Variants in PARD6G observed in about 807,000 individuals in gnomAD.
The protein encoded by PARD6G is par-6 family cell polarity regulator gamma.
In PARD6G, 7 loss-of-function variants were observed where a neutral mutation model predicts 10.7. The observed-to-expected ratio is 0.66, with a 90% CI of 0.37 to 1.23. The LOEUF is 1.23. Ranked by LOEUF, PARD6G falls within the 50% of genes most tolerant of loss-of-function variation. The pLI is 0.02. For synonymous variants in PARD6G, 287 were observed against 269.4 expected (o/e 1.07, Z -0.64); for missense variants, 548 against 571.8 (o/e 0.96, Z 0.42).
At chr18:80,185,610 TCCCACA>T (rs970991076) in intron 2 of PARD6G, among the ~76,000 whole-genome samples, 1 of 151,716 alleles carries the variant, frequency 6.6e-6, no homozygotes, top group Non-Finnish European at 1.5e-5. Flanking sequence ...ACGCACATGC[TCCCACA>T]CCCACACACA....
At chr18:80,211,837 G>A (rs1967111558) in intron 1 of PARD6G, among the ~76,000 whole-genome samples, 1 of 152,084 alleles carries the variant, frequency 6.6e-6, no homozygotes, top group Non-Finnish European at 1.5e-5. Flanking sequence ...ACTTATATGA[G>A]GTAAATAGAG....
intron 1 of PARD6G, among the ~76,000 whole-genome samples, chr18:80,244,686 A>G (rs560643225): frequency 3.2e-4 from 49 of 152,286 alleles, no homozygotes; most frequent in African/African-American, 1.1e-3. Context: ...GACTTGCCCA[A>G]AAGCTCACAA....
intron 1 of PARD6G, among the ~76,000 whole-genome samples, chr18:80,227,174 C>A (rs958941896): frequency 1.3e-5 from 2 of 152,188 alleles, no homozygotes; most frequent in Admixed American, 6.5e-5. Flanking sequence ...GTAGCTAGGG[C>A]TAGTCTTGAA....
At chr18:80,210,230 G>A (rs1168639566) in intron 1 of PARD6G, among the ~76,000 whole-genome samples, 1 of 152,208 alleles carries the variant, frequency 6.6e-6, no homozygotes, top group East Asian at 1.9e-4. Flanking sequence ...CAGAATGGAA[G>A]ACTAGGACCT....
rs575771728 is a variant in PARD6G, at chr18:80,243,024, C to T, written c.72+4253G>A. 1.2e-3 allele frequency among the ~76,000 whole-genome samples: 182 copies of T among 152,244 alleles called. 1 individual carries two copies. Among genetic ancestry groups the T allele is most frequent in the Middle Eastern group, 3.4e-3 (1 of 294 alleles). ...TACGCACTCAAAGCCTGTAAAAGTACGTGCCTTTCCCAGGTGATGTCACTT... is the reference window on the plus strand; with the variant it reads ...TACGCACTCAAAGCCTGTAAAAGTATGTGCCTTTCCCAGGTGATGTCACTT... On this transcript the variant is annotated intron_variant, in intron 1 of 2. Transcript: ENST00000353265.
At chr18:80,219,485 C>A (rs1967207255) in intron 1 of PARD6G, among the ~76,000 whole-genome samples, 1 of 152,190 alleles carries the variant, frequency 6.6e-6, no homozygotes, top group African/African-American at 2.4e-5. Context: ...GCTGGGATTA[C>A]AGGCGTGAGC....
In PARD6G at chr18:80,180,161, G is replaced by A. The variant is rs917789564; in HGVS notation, c.296-19555C>T. The stretch of plus-strand genomic sequence containing the variant: ...GGGCCCGGGACGGGAATGGCCATTG[G>A]TGTGTCAGCTGCTCACCTGGGCTTG... On this transcript the variant is annotated intron_variant, in intron 2 of 2. Transcript: ENST00000353265. The surrounding 1 kb of genome is among the most constrained non-coding windows in gnomAD (Gnocchi z 5.6). 2.6e-5 allele frequency among the ~76,000 whole-genome samples: 4 copies of A among 152,262 alleles called. No homozygotes were observed. The highest frequency in any genetic ancestry group is 7.2e-5 in the African/African-American group (3 of 41,468).
rs558343256 is a variant in PARD6G, at chr18:80,192,288, G to A, written c.295+10422C>T. Among the ~76,000 whole-genome samples, 2 of 152,358 alleles carry A rather than the reference G, an allele frequency of 1.3e-5. No homozygotes were observed. The highest frequency in any genetic ancestry group is 1.3e-4 in the Admixed American group (2 of 15,302). On this transcript the variant is annotated intron_variant, in intron 2 of 2. Transcript: ENST00000353265. The surrounding 1 kb of genome is among the most constrained non-coding windows in gnomAD (Gnocchi z 4.9). ...CCTGAGGTGGGGTGCAGTGCAGGCAGAGGGGCCTTCTGGCCTCAGCTCCAG... is the reference window on the plus strand; with the variant it reads ...CCTGAGGTGGGGTGCAGTGCAGGCAAAGGGGCCTTCTGGCCTCAGCTCCAG...
Position 80,181,154 on chromosome 18 carries a change from C to T in PARD6G, c.296-20548G>A, listed in dbSNP as rs1304266449. On this transcript the variant is annotated intron_variant, in intron 2 of 2. Coordinates refer to ENST00000353265, the MANE Select transcript of PARD6G (RefSeq NM_032510.4). The surrounding 1 kb of genome is among the most constrained non-coding windows in gnomAD (Gnocchi z 7.9). ...AGGAAGGGGCGCCACCCTGAAGGCT[C>T]AGTCTGTGTGGCAATGACACCCACA... Among the ~76,000 whole-genome samples the T allele has an allele frequency of 6.6e-6, 1 of 152,164 alleles. No homozygotes were observed. The highest frequency in any genetic ancestry group is 1.5e-5 in the Non-Finnish European group (1 of 68,022).
At position 80,246,284 on chromosome 18, in the gene PARD6G, G is replaced by A. The variant is rs535733234; in HGVS notation, c.72+993C>T. 9.2e-5 allele frequency among the ~76,000 whole-genome samples: 14 copies of A among 152,234 alleles called. No individual in the cohort carries two copies. The highest frequency in any genetic ancestry group is 5.9e-4 in the Admixed American group (9 of 15,304). ...GAGGGGCCCCCTCCCGCAGGACCCC[G>A]AACAACTGCAGCACCTCCTCAGCCC... On this transcript the variant is annotated intron_variant, in intron 1 of 2. Transcript: ENST00000353265. The surrounding 1 kb of genome is among the most constrained non-coding windows in gnomAD (Gnocchi z 6.7).
intron 2 of PARD6G, among the ~76,000 whole-genome samples, chr18:80,167,866 C>A (rs2052746925): frequency 6.6e-6 from 1 of 152,098 alleles, no homozygotes. Flanking sequence ...GCCATGGGTT[C>A]ATAAACTAAT....
Position 80,184,953 on chromosome 18 carries a change from A to G in PARD6G, c.295+17757T>C, listed in dbSNP as rs2052866314. On this transcript the variant is annotated intron_variant, in intron 2 of 2. Coordinates refer to ENST00000353265, the MANE Select transcript of PARD6G (RefSeq NM_032510.4). This position sits in a 1 kb window ranked among gnomAD's most constrained non-coding sequence, Gnocchi z 4.5. ...GACTTAGGTCTCAATAAAGCTAAAA[A>G]ATAAGGTGGCTCCTTCCAGCTTTGC... 1 of 152,206 alleles carries G rather than the reference A, an allele frequency of 6.6e-6. No individual in the cohort carries two copies. The highest frequency in any genetic ancestry group is 1.9e-4 in the East Asian group (1 of 5,198). The allele number at this position is 152,206 out of a possible 1,614,324, so 9.4% of individuals were successfully genotyped here. A position where few individuals can be genotyped will look rare whatever the true frequency, so the allele number is the denominator to read the frequency against.
Position 80,247,212 on chromosome 18 carries a change from CG to C in PARD6G, c.72+64del. On this transcript the variant is annotated intron_variant, in intron 1 of 2. Transcript: ENST00000353265. The surrounding 1 kb of genome is among the most constrained non-coding windows in gnomAD (Gnocchi z 4.2). ...TCCACGCCGCCCCAGTCCCCCTCCGCGGGGCGCCCCATTCATTAGCCAGGAG... is the reference window on the plus strand; with the variant it reads ...TCCACGCCGCCCCAGTCCCCCTCCGCGGGCGCCCCATTCATTAGCCAGGAG... 2.2e-6 allele frequency: 3 copies of C among 1,358,248 alleles called. No individual in the cohort carries two copies. Among genetic ancestry groups the C allele is most frequent in the Non-Finnish European group, 1.0e-6 (1 of 992,256 alleles). 84.1% of individuals were successfully genotyped at this position (1,358,248 alleles called of 1,614,324 possible).
chr18:80,217,162 A>G (rs991940639), intron 1 of PARD6G, among the ~76,000 whole-genome samples: 3 of 152,174 alleles, frequency 2.0e-5, no homozygotes, highest in African/African-American at 7.2e-5. Flanking sequence ...CCAACAGAAA[A>G]AGCTCCCAGT....
At chr18:80,226,252 C>T (rs1261203745) in intron 1 of PARD6G, among the ~76,000 whole-genome samples, 2 of 149,378 alleles carry the variant, frequency 1.3e-5, no homozygotes, top group Admixed American at 6.7e-5. Flanking sequence ...CTCACCGCAA[C>T]CTCCGCCTCC....
chr18:80,223,093 A>G (rs1249461162), intron 1 of PARD6G, among the ~76,000 whole-genome samples: 1 of 152,228 alleles, frequency 6.6e-6, no homozygotes, highest in African/African-American at 2.4e-5. Context: ...CTGGACCTCT[A>G]CCTCATGCCA....
At chr18:80,195,647 G>A (rs1285445191) in intron 2 of PARD6G, among the ~76,000 whole-genome samples, 2 of 147,678 alleles carry the variant, frequency 1.4e-5, no homozygotes, top group East Asian at 4.0e-4. Context: ...GGAGGCTGAG[G>A]TGGACGGATC....
chr18:80,187,036 T>C (rs913608107), intron 2 of PARD6G, among the ~76,000 whole-genome samples: 5 of 151,660 alleles, frequency 3.3e-5, no homozygotes, highest in Admixed American at 2.0e-4. Context: ...GAGGTGGAGC[T>C]TGCAGTGAGC....
Position 80,247,235 on chromosome 18 carries a change from G to A in PARD6G, c.72+42C>T. 6.6e-7 allele frequency: 1 copy of A among 1,512,852 alleles called. No homozygotes were observed. The highest frequency in any genetic ancestry group is 9.0e-7 in the Non-Finnish European group (1 of 1,113,386). The allele number at this position is 1,512,852 out of a possible 1,614,324, so 93.7% of individuals were successfully genotyped here. A position where few individuals can be genotyped will look rare whatever the true frequency, so the allele number is the denominator to read the frequency against. On this transcript the variant is annotated intron_variant, in intron 1 of 2. Coordinates refer to ENST00000353265, the MANE Select transcript of PARD6G (RefSeq NM_032510.4). The surrounding 1 kb of genome is among the most constrained non-coding windows in gnomAD (Gnocchi z 4.2). ...CGCGGGGCGCCCCATTCATTAGCCAGGAGACTGGGCGCAGGGCCGCCGGGG... is the reference window on the plus strand; with the variant it reads ...CGCGGGGCGCCCCATTCATTAGCCAAGAGACTGGGCGCAGGGCCGCCGGGG...
Sources: allele counts gnomAD v4.1 joint callset (sites outside exome capture counted in the v4.1 genomes callset), GRCh38; gene constraint gnomAD v4.1.1; non-coding constraint Gnocchi (gnomAD v3.1); transcripts MANE v1.5; gene names NCBI Gene and HGNC (gene_info 2026-07-23, HGNC 2026-07-21).